LRP1B: variants seen among roughly 807,000 people sequenced by gnomAD.
The protein encoded by LRP1B is low-density lipoprotein receptor-related protein 1B.
A neutral mutation model predicts 556.6 loss-of-function variants in LRP1B; 217 were observed. The observed-to-expected ratio is 0.39, with a 90% confidence interval of 0.35 to 0.44. The LOEUF (loss-of-function observed/expected upper bound fraction) is 0.44. LRP1B is among the 20% of genes least tolerant of loss of function. LRP1B has a pLI of 1.00. For missense variants in LRP1B, 5,053 were observed against 5,620.8 expected (o/e 0.90, Z 3.23); for synonymous variants, 2,047 against 1,865.8 (o/e 1.10, Z -2.50).
intron 71 of LRP1B, among the ~76,000 whole-genome samples, chr2:140,365,423 A>G (rs925603877): frequency 4.6e-5 from 7 of 151,758 alleles, no homozygotes; most frequent in Admixed American, 4.0e-4. Context: ...CATCAGGAAT[A>G]CAAAAATATT....
At chr2:141,733,037 G>T (rs534739361) in intron 2 of LRP1B, among the ~76,000 whole-genome samples, 1 of 152,126 alleles carries the variant, frequency 6.6e-6, no homozygotes, top group Admixed American at 6.6e-5. Flanking sequence ...CCTAATGTGA[G>T]GATCAATGGT....
intron 2 of LRP1B, among the ~76,000 whole-genome samples, chr2:141,570,703 C>A (rs1686494932): frequency 6.6e-6 from 1 of 151,364 alleles, no homozygotes; most frequent in South Asian, 2.1e-4. Flanking sequence ...TCAGGCTGTG[C>A]TTTTCCCCCT....
At chr2:141,678,934 A>C (rs1690998937) in intron 2 of LRP1B, among the ~76,000 whole-genome samples, 1 of 152,144 alleles carries the variant, frequency 6.6e-6, no homozygotes, top group Non-Finnish European at 1.5e-5. Context: ...GCTGCTAATG[A>C]ATAAAATATA....
chr2:140,590,556 T>C (rs1310322562), intron 43 of LRP1B, among the ~76,000 whole-genome samples: 6 of 147,436 alleles, frequency 4.1e-5, no homozygotes, highest in South Asian at 4.3e-4. Flanking sequence ...CTAGATCTCT[T>C]TCTCTCTCTC....
chr2:141,946,228 T>A (rs1328648502), intron 1 of LRP1B, among the ~76,000 whole-genome samples: 3 of 152,130 alleles, frequency 2.0e-5, no homozygotes, highest in Non-Finnish European at 2.9e-5. Flanking sequence ...ATTCCCTTTA[T>A]CTTCTGGGTG....
intron 23 of LRP1B, among the ~76,000 whole-genome samples, chr2:140,893,518 C>G (rs185790051): frequency 5.7e-4 from 87 of 152,276 alleles, no homozygotes; most frequent in African/African-American, 1.7e-3. Flanking sequence ...TTAGCCACAA[C>G]CTCTCACCCT....
At chr2:141,349,905 A>G (rs1378561771) in intron 3 of LRP1B, among the ~76,000 whole-genome samples, 4 of 152,100 alleles carry the variant, frequency 2.6e-5, no homozygotes, top group Non-Finnish European at 5.9e-5. Context: ...TGCTGATGAT[A>G]AAGACACACC....
intron 1 of LRP1B, among the ~76,000 whole-genome samples, chr2:141,848,640 A>G (rs1285346256): frequency 6.6e-6 from 1 of 151,600 alleles, no homozygotes; most frequent in Non-Finnish European, 1.5e-5. Context: ...ATTAACACCA[A>G]ATGTATATAG....
intron 31 of LRP1B, among the ~76,000 whole-genome samples, chr2:140,824,241 G>A (rs762854984): frequency 2.6e-5 from 4 of 151,978 alleles, no homozygotes; most frequent in African/African-American, 4.8e-5. Flanking sequence ...CACGCACAGT[G>A]AAAATACTCT....
intron 7 of LRP1B, among the ~76,000 whole-genome samples, chr2:141,116,669 A>G (rs1700907314): frequency 6.6e-6 from 1 of 152,098 alleles, no homozygotes. Flanking sequence ...GAAAAAATTG[A>G]CGTCTGAAGT....
chr2:140,968,762 T>C (rs1213852095), intron 18 of LRP1B, among the ~76,000 whole-genome samples: 1 of 152,216 alleles, frequency 6.6e-6, no homozygotes, highest in African/African-American at 2.4e-5. Context: ...AGAACATCTT[T>C]ATTTCTGCCT....
chr2:140,354,863 TG>T (rs1216157024), intron 75 of LRP1B, among the ~76,000 whole-genome samples: 1 of 152,074 alleles, frequency 6.6e-6, no homozygotes, highest in Admixed American at 6.6e-5. Context: ...TTGAAGTGTT[TG>T]GGCTTTAACA....
intron 3 of LRP1B, among the ~76,000 whole-genome samples, chr2:141,448,410 C>A (rs1681279135): frequency 6.6e-6 from 1 of 152,116 alleles, no homozygotes; most frequent in African/African-American, 2.4e-5. Context: ...AGCTCCCATA[C>A]CAGGGGAGTG....
chr2:140,483,367 A>G (rs924461135), intron 59 of LRP1B, among the ~76,000 whole-genome samples: 3 of 151,766 alleles, frequency 2.0e-5, no homozygotes, highest in Non-Finnish European at 2.9e-5. Context: ...TAAAACCTAA[A>G]GCTATTAATA....
At chr2:140,240,994 T>C (rs1680924570) in intron 87 of LRP1B, among the ~76,000 whole-genome samples, 1 of 150,938 alleles carries the variant, frequency 6.6e-6, no homozygotes, top group African/African-American at 2.4e-5. Context: ...GAAAATTTCA[T>C]GTATAAGATA....
At chr2:141,957,218 G>A (rs1017412262) in intron 1 of LRP1B, among the ~76,000 whole-genome samples, 15 of 152,044 alleles carry the variant, frequency 9.9e-5, no homozygotes, top group Admixed American at 3.9e-4. Context: ...TTTGAATGAC[G>A]AGACAACTCA....
intron 15 of LRP1B, among the ~76,000 whole-genome samples, chr2:141,003,944 G>A (rs527986650): frequency 1.5e-4 from 23 of 151,980 alleles, no homozygotes; most frequent in East Asian, 7.8e-4. Context: ...ATTTCTTAGC[G>A]GTTTATTTCT....
intron 67 of LRP1B, among the ~76,000 whole-genome samples, chr2:140,385,400 G>A (rs1363185569): frequency 6.6e-6 from 1 of 152,108 alleles, no homozygotes; most frequent in Non-Finnish European, 1.5e-5. Context: ...GATAACAATA[G>A]TGTTATTCTA....
At chr2:140,475,063 AAAAT>A (rs1687915286) in intron 60 of LRP1B, 71 bp downstream of exon 60, 1 of 605,678 alleles carries the variant, frequency 1.7e-6, no homozygotes, top group Admixed American at 4.3e-5. Flanking sequence ...GAAAGCATAT[AAAAT>A]AAATATATAT....
Sources: gnomAD v4.1 joint callset for allele counts (sites outside exome capture counted in the v4.1 genomes callset) on GRCh38, gnomAD v4.1.1 for gene constraint, MANE v1.5 for transcripts, NCBI Gene and HGNC (gene_info 2026-07-23, HGNC 2026-07-21) for gene names.